The following ANK3 variants were observed in gnomAD, a reference collection of about 807,000 sequenced individuals.
The protein encoded by ANK3 is ankyrin 3.
In ANK3, 57 loss-of-function variants were observed where a neutral mutation model predicts 370.9. That is an observed-to-expected ratio of 0.15 (90% CI 0.12 to 0.19). The LOEUF is 0.19. Among genes scored for constraint, ANK3 ranks in the 10% least tolerant of loss-of-function variants. The probability of loss-of-function intolerance (pLI) is 1.00; values close to 1 mark genes in which losing one functional copy is unlikely to be tolerated. For synonymous variants in ANK3, 1,929 were observed against 1,946.3 expected (o/e 0.99, Z 0.23); for missense variants, 4,439 against 5,302.1 (o/e 0.84, Z 5.06).
chr10:60,435,730 C>T (rs1367299889), intron 2 of ANK3, among the ~76,000 whole-genome samples: 1 of 152,224 alleles, frequency 6.6e-6, no homozygotes, highest in Non-Finnish European at 1.5e-5. Flanking sequence ...GATTTGCCTA[C>T]TCTGGACATT....
At chr10:60,259,172 T>C in intron 7 of ANK3, among the ~76,000 whole-genome samples, 1 of 152,180 alleles carries the variant, frequency 6.6e-6, no homozygotes, top group East Asian at 1.9e-4. Flanking sequence ...TACAACAAAA[T>C]TGCTACAGAT....
chr10:60,694,394 T>G (rs1191798084), intron 1 of ANK3, among the ~76,000 whole-genome samples: 2 of 151,876 alleles, frequency 1.3e-5, no homozygotes, highest in African/African-American at 4.8e-5. Context: ...GAAATACAGA[T>G]AACACCACAA....
chr10:60,471,507 AT>A (rs2065218518), intron 2 of ANK3, among the ~76,000 whole-genome samples: 1 of 152,120 alleles, frequency 6.6e-6, no homozygotes, highest in South Asian at 2.1e-4. Context: ...ACCAACAGTC[AT>A]TTGTTGAATG....
At chr10:60,183,484 A>C (rs866189015) in intron 17 of ANK3, among the ~76,000 whole-genome samples, 1 of 152,204 alleles carries the variant, frequency 6.6e-6, no homozygotes, top group Non-Finnish European at 1.5e-5. Flanking sequence ...AAAAAACAAT[A>C]TGAAGGTAAC....
intron 8 of ANK3, among the ~76,000 whole-genome samples, chr10:60,231,328 C>T (rs1391342845): frequency 6.6e-6 from 1 of 152,184 alleles, no homozygotes; most frequent in Non-Finnish European, 1.5e-5. Flanking sequence ...AGCACCCAGG[C>T]AGGGCACAGA....
intron 1 of ANK3, among the ~76,000 whole-genome samples, chr10:60,288,344 A>G (rs548346180): frequency 2.0e-4 from 30 of 152,322 alleles, no homozygotes; most frequent in African/African-American, 7.0e-4. Context: ...CATATCCTAC[A>G]GAGATGGATG....
intron 1 of ANK3, among the ~76,000 whole-genome samples, chr10:60,708,463 G>A (rs1487610612): frequency 6.6e-6 from 1 of 152,168 alleles, no homozygotes; most frequent in Admixed American, 6.5e-5. Context: ...AGTTTCAAAA[G>A]GTAGAGATTT....
intron 2 of ANK3, among the ~76,000 whole-genome samples, chr10:60,601,054 C>A (rs2078054199): frequency 6.6e-6 from 1 of 151,994 alleles, no homozygotes; most frequent in South Asian, 2.1e-4. Context: ...TGGGAAATAT[C>A]TTTTGGAACT....
chr10:60,469,643 ATATATATATATGGTGG>A (rs1312462107), intron 2 of ANK3, among the ~76,000 whole-genome samples: 1 of 21,952 alleles, frequency 4.6e-5, no homozygotes, highest in Non-Finnish European at 9.0e-5. Context: ...ATATATATAT[ATATATATATATGGTGG>A]TATATATATA....
Position 60,268,433 on chromosome 10 carries a change from G to A in ANK3, c.513+1698C>T, listed in dbSNP as rs918653683. Among the ~76,000 whole-genome samples the A allele has an allele frequency of 8.5e-5, 13 of 152,214 alleles. No individual in the cohort carries two copies. In the East Asian group the frequency reaches 2.5e-3, roughly 29 times the overall value. On this transcript the variant is annotated intron_variant, in intron 5 of 43. Coordinates refer to ENST00000280772, the MANE Select transcript of ANK3 (RefSeq NM_020987.5). Reference sequence around the variant, plus strand: ...AGAGCCTTGCCTCGTTTTTAACAGTGCTAACAGCGTGTTATTGTATAAATA... The same window carrying A: ...AGAGCCTTGCCTCGTTTTTAACAGTACTAACAGCGTGTTATTGTATAAATA...
intron 1 of ANK3, among the ~76,000 whole-genome samples, chr10:60,332,384 A>G (rs1423357043): frequency 6.6e-6 from 1 of 152,238 alleles, no homozygotes; most frequent in African/African-American, 2.4e-5. Flanking sequence ...TCAAGTACAT[A>G]TTCTAATGCA....
chr10:60,045,990 G>A (rs868254267), intron 42 of ANK3, among the ~76,000 whole-genome samples: 3 of 151,738 alleles, frequency 2.0e-5, no homozygotes, highest in South Asian at 2.1e-4. Context: ...GACAATGGGC[G>A]GGACATTTAA....
intron 1 of ANK3, among the ~76,000 whole-genome samples, chr10:60,385,643 A>T (rs552341105): frequency 6.6e-6 from 1 of 152,282 alleles, no homozygotes; most frequent in African/African-American, 2.4e-5. Flanking sequence ...TGACATCAAT[A>T]ATCAGAAAAG....
At chr10:60,052,034 C>G (rs1416955764) in intron 42 of ANK3, among the ~76,000 whole-genome samples, 1 of 152,020 alleles carries the variant, frequency 6.6e-6, no homozygotes, top group Admixed American at 6.6e-5. Flanking sequence ...AATTTGACAA[C>G]CTTATTAAAA....
intron 2 of ANK3, among the ~76,000 whole-genome samples, chr10:60,496,383 G>C (rs1342602027): frequency 6.6e-6 from 1 of 152,156 alleles, no homozygotes; most frequent in Non-Finnish European, 1.5e-5. Context: ...CCTTTCCTAT[G>C]TGTTGAGCAA....
intron 7 of ANK3, among the ~76,000 whole-genome samples, chr10:60,240,066 C>CAT (rs10539143): frequency 1.4e-5 from 2 of 143,132 alleles, no homozygotes; most frequent in African/African-American, 5.2e-5. Context: ...CACATATATA[C>CAT]ATATATATAC....
chr10:60,376,014 T>C (rs1267119495), intron 1 of ANK3, among the ~76,000 whole-genome samples: 2 of 152,188 alleles, frequency 1.3e-5, no homozygotes, highest in African/African-American at 4.8e-5. Context: ...TCATAGCGTC[T>C]CTTCATGGTA....
intron 2 of ANK3, among the ~76,000 whole-genome samples, chr10:60,507,150 G>A (rs923279814): frequency 1.3e-5 from 2 of 151,976 alleles, no homozygotes; most frequent in Non-Finnish European, 1.5e-5. Flanking sequence ...TCTAAAATAC[G>A]TACAATTATT....
At chr10:60,191,054 C>T (rs1428885944) in intron 16 of ANK3, among the ~76,000 whole-genome samples, 1 of 151,942 alleles carries the variant, frequency 6.6e-6, no homozygotes, top group East Asian at 1.9e-4. Context: ...GAAACTGGAC[C>T]CATAACTCTC....
Sources: gnomAD v4.1 joint callset for allele counts (sites outside exome capture counted in the v4.1 genomes callset) on GRCh38, gnomAD v4.1.1 for gene constraint, MANE v1.5 for transcripts, NCBI Gene and HGNC (gene_info 2026-07-23, HGNC 2026-07-21) for gene names.